The following HMGA2 variants were observed in gnomAD, a reference collection of about 807,000 sequenced individuals.
The protein encoded by HMGA2 is high mobility group protein HMGI-C.
A neutral mutation model predicts 19.1 loss-of-function variants in HMGA2; 8 were observed. That is an observed-to-expected ratio of 0.42 (90% CI 0.25 to 0.76). HMGA2 has a LOEUF of 0.76. Ranked by LOEUF, HMGA2 falls within the 30% of genes least tolerant of loss-of-function variation. The pLI is 0.28. For missense variants in HMGA2, 109 were observed against 136.3 expected (o/e 0.80, Z 1.00); for synonymous variants, 60 against 48.8 (o/e 1.23, Z -0.96).
At chr12:65,899,219 C>T (rs1359463467) in intron 3 of HMGA2, among the ~76,000 whole-genome samples, 1 of 152,160 alleles carries the variant, frequency 6.6e-6, no homozygotes, top group African/African-American at 2.4e-5. Context: ...CAGATGAAAA[C>T]TTAAAAGTTT....
chr12:65,936,304 A>C (rs1875893220), intron 3 of HMGA2, among the ~76,000 whole-genome samples: 1 of 151,912 alleles, frequency 6.6e-6, no homozygotes, highest in African/African-American at 2.4e-5. Context: ...GAGCTGAATG[A>C]AGGAAATCAG....
intron 3 of HMGA2, among the ~76,000 whole-genome samples, chr12:65,870,100 T>C (rs1019530661): frequency 6.6e-6 from 1 of 152,206 alleles, no homozygotes; most frequent in African/African-American, 2.4e-5. Context: ...TACAGGTCAT[T>C]GTTACAGGTC....
rs1340468248 is a variant in HMGA2 at position 65,838,985 on chromosome 12, TC to T, written c.249+417del. On this transcript the variant is annotated intron_variant, in intron 3 of 4. Transcript: ENST00000403681. ...AACGTTTTTCTTTTTTCTTTTTCTTTCTTTTTCTTTTTCTTTTTTTTTTTTG... is the reference window on the plus strand; with the variant it reads ...AACGTTTTTCTTTTTTCTTTTTCTTTTTTTTCTTTTTCTTTTTTTTTTTTG... 3.1e-3 allele frequency among the ~76,000 whole-genome samples: 414 copies of T among 133,144 alleles called. 4 individuals are homozygous for T. Among genetic ancestry groups the T allele is most frequent in the African/African-American group, 0.013 (387 of 29,004 alleles). The allele number at this position is 133,144 out of a possible 152,430, so 87.3% of individuals were successfully genotyped here.
At position 65,965,299 on chromosome 12, in the gene HMGA2, A is replaced by G. The variant is rs1402333069; in HGVS notation, c.*2007A>G. On this transcript the variant is annotated 3_prime_UTR_variant, in exon 5 of 5. Transcript: ENST00000403681. ...ATTTTACACAAATGTGATTTTTGTA[A>G]TATGTCTCAACCAGATTTATTTTAA... is the stretch of plus-strand genomic sequence containing the variant. The G allele has an allele frequency of 9.8e-6, 2 of 203,228 alleles. No individual in the cohort carries two copies. 12.6% of individuals were successfully genotyped at this position (203,228 alleles called of 1,614,324 possible). A position where few individuals can be genotyped will look rare whatever the true frequency, so the allele number is the denominator to read the frequency against.
At chr12:65,927,051 G>T (rs1875530335) in intron 3 of HMGA2, among the ~76,000 whole-genome samples, 1 of 152,166 alleles carries the variant, frequency 6.6e-6, no homozygotes. Context: ...GCAAAGCAAG[G>T]AGGAGTTGCA....
In HMGA2 at chr12:65,824,725, C is replaced by CTG. The variant is rs1306634292; in HGVS notation, c.-545_-544insGT. 12 of 147,070 alleles carry CTG rather than the reference C, an allele frequency of 8.2e-5. No individual in the cohort carries two copies. Among genetic ancestry groups the CTG allele is most frequent in the African/African-American group, 3.6e-4 (10 of 27,772 alleles). The allele number at this position is 147,070 out of a possible 1,614,324, so 9.1% of individuals were successfully genotyped here. A position where few individuals can be genotyped will look rare whatever the true frequency, so the allele number is the denominator to read the frequency against. On this transcript the variant is annotated 5_prime_UTR_variant, in exon 1 of 5. Coordinates refer to ENST00000403681, the MANE Select transcript of HMGA2 (RefSeq NM_003483.6). ...CAATCTCAATCTCTTCTCTCTCTCTCTCTCTCTCTCTCTCTCTCTCTCTCT... is the reference window on the plus strand; with the variant it reads ...CAATCTCAATCTCTTCTCTCTCTCTCTGTCTCTCTCTCTCTCTCTCTCTCTCT...
intron 2 of HMGA2, chr12:65,831,048 G>T (rs1161592862): frequency 6.6e-6 from 1 of 151,852 alleles, no homozygotes; most frequent in African/African-American, 2.4e-5. Flanking sequence ...AGAAGTTAAA[G>T]TTTTCCTGAA....
intron 3 of HMGA2, among the ~76,000 whole-genome samples, chr12:65,908,548 T>G (rs1027081656): frequency 1.3e-5 from 2 of 152,230 alleles, no homozygotes; most frequent in Non-Finnish European, 2.9e-5. Context: ...ATGTCTCCAG[T>G]TGTTGCTGGG....
At chr12:65,842,121 T>C (rs1370795055) in intron 3 of HMGA2, 1 of 1,289,440 alleles carries the variant, frequency 7.8e-7, no homozygotes, top group Non-Finnish European at 1.0e-6. Flanking sequence ...CTTTTTTTCC[T>C]GGCTTTTTAT....
intron 2 of HMGA2, among the ~76,000 whole-genome samples, chr12:65,834,661 G>GTA (rs1017311429): frequency 1.4e-5 from 2 of 145,002 alleles, no homozygotes; most frequent in African/African-American, 5.1e-5. Flanking sequence ...CCTTCAACAA[G>GTA]TATATAGTGA....
At chr12:65,879,943 C>T (rs1367721158) in intron 3 of HMGA2, among the ~76,000 whole-genome samples, 1 of 152,188 alleles carries the variant, frequency 6.6e-6, no homozygotes, top group Non-Finnish European at 1.5e-5. Flanking sequence ...GCCATCCTTA[C>T]AACAGCATTA....
At position 65,828,054 on chromosome 12, in the gene HMGA2, CA is replaced by C; in HGVS notation, c.170del (p.Asn57ThrfsTer109). 1 of 1,613,666 alleles carries C rather than the reference CA, an allele frequency of 6.2e-7. No homozygotes were observed. Among genetic ancestry groups the C allele is most frequent in the Non-Finnish European group, 8.5e-7 (1 of 1,179,744 alleles). ...GACCCAGGGGAAGACCCAAAGGCAG[CA>C]AAAACAAGAGTCCCTCTAAAGCAGC... ...KRPRGRPKGS[K>X]NKSPSKAAQK... On this transcript the variant is annotated frameshift_variant, in exon 2 of 5. Coordinates refer to ENST00000403681, the MANE Select transcript of HMGA2 (RefSeq NM_003483.6). LOFTEE classifies it high-confidence loss of function.
chr12:65,963,168 A>G, intron 4 of HMGA2, 77 bp from the exon 5 acceptor site: 3 of 1,325,600 alleles, frequency 2.3e-6, no homozygotes, highest in Non-Finnish European at 3.3e-6. Context: ...GAAACAGGTT[A>G]CCTCTGCACT....
Position 65,825,863 on chromosome 12 carries a change from T to C in HMGA2, c.111+482T>C, listed in dbSNP as rs1021454062. The C allele has an allele frequency of 6.6e-6, 1 of 151,616 alleles. No homozygotes were observed. Among genetic ancestry groups the C allele is most frequent in the Non-Finnish European group, 1.5e-5 (1 of 67,968 alleles). The allele number at this position is 151,616 out of a possible 1,614,324, so 9.4% of individuals were successfully genotyped here. On this transcript the variant is annotated intron_variant, in intron 1 of 4. Coordinates refer to ENST00000403681, the MANE Select transcript of HMGA2 (RefSeq NM_003483.6). This position sits in a 1 kb window ranked among gnomAD's most constrained non-coding sequence, Gnocchi z 4.4. ...GGCTCTTTCTCCCGCCTCCCGGGGC[T>C]GCTCGCGGGTCGGGGGCTGGCGCGC... is the stretch of plus-strand genomic sequence containing the variant.
At chr12:65,907,162 C>G (rs943559689) in intron 3 of HMGA2, among the ~76,000 whole-genome samples, 1 of 151,818 alleles carries the variant, frequency 6.6e-6, no homozygotes, top group Non-Finnish European at 1.5e-5. Flanking sequence ...TTTGGGAGGC[C>G]GAGGCAGGCG....
At chr12:65,844,752 C>T (rs1358033133) in intron 3 of HMGA2, among the ~76,000 whole-genome samples, 2 of 152,222 alleles carry the variant, frequency 1.3e-5, no homozygotes, top group Non-Finnish European at 2.9e-5. Context: ...ATTATAAAAA[C>T]ATTGACTGCA....
chr12:65,883,390 C>G (rs561894516), intron 3 of HMGA2, among the ~76,000 whole-genome samples: 1 of 152,116 alleles, frequency 6.6e-6, no homozygotes, highest in African/African-American at 2.4e-5. Context: ...TTTCTTGAGC[C>G]CTTACTGGGT....
chr12:65,923,749 C>A (rs865886888), intron 3 of HMGA2, among the ~76,000 whole-genome samples: 1 of 152,174 alleles, frequency 6.6e-6, no homozygotes, highest in Admixed American at 6.5e-5. Flanking sequence ...GCAGCTCATG[C>A]CTGTAATCCC....
chr12:65,891,413 T>G (rs1220879391), intron 3 of HMGA2, among the ~76,000 whole-genome samples: 2 of 152,136 alleles, frequency 1.3e-5, no homozygotes, highest in Non-Finnish European at 2.9e-5. Flanking sequence ...TACAATAATA[T>G]TTTCCTCCAC....
Sources: gnomAD v4.1 joint callset for allele counts (sites outside exome capture counted in the v4.1 genomes callset) on GRCh38, gnomAD v4.1.1 for gene constraint, Gnocchi (gnomAD v3.1) non-coding constraint, MANE v1.5 for transcripts, NCBI Gene and HGNC (gene_info 2026-07-23, HGNC 2026-07-21) for gene names.